PRKCE: variants seen among roughly 807,000 people sequenced by gnomAD.
PRKCE encodes protein kinase C epsilon type.
PRKCE carries 16 observed loss-of-function variants against 85.4 expected under a neutral mutation model. The ratio of observed to expected loss-of-function variants is 0.19; its 90% CI spans 0.13 to 0.28. The LOEUF (loss-of-function observed/expected upper bound fraction) is 0.28. Among genes scored for constraint, PRKCE ranks in the 10% least tolerant of loss-of-function variants. The pLI, the probability that PRKCE is intolerant of heterozygous loss-of-function variation, is 1.00. For missense variants in PRKCE, 573 were observed against 975.2 expected (o/e 0.59, Z 5.49); for synonymous variants, 388 against 371.5 (o/e 1.04, Z -0.51).
At chr2:46,109,817 T>A (rs1245109635) in intron 11 of PRKCE, among the ~76,000 whole-genome samples, 2 of 152,118 alleles carry the variant, frequency 1.3e-5, no homozygotes, top group Non-Finnish European at 2.9e-5. Flanking sequence ...CACCATTAAG[T>A]ATGATATTAA....
At chr2:45,775,269 G>A (rs939949553) in intron 1 of PRKCE, among the ~76,000 whole-genome samples, 1 of 152,154 alleles carries the variant, frequency 6.6e-6, no homozygotes, top group Non-Finnish European at 1.5e-5. Context: ...CACTCCATGA[G>A]TTACTGTCTT....
At chr2:45,981,287 A>G (rs966933125) in intron 5 of PRKCE, among the ~76,000 whole-genome samples, 5 of 152,216 alleles carry the variant, frequency 3.3e-5, no homozygotes, top group Non-Finnish European at 1.5e-5. Flanking sequence ...TTCTGGGGGA[A>G]ATAAATTCTG....
chr2:45,792,679 A>C (rs1687124894), intron 1 of PRKCE, among the ~76,000 whole-genome samples: 1 of 152,220 alleles, frequency 6.6e-6, no homozygotes, highest in South Asian at 2.1e-4. Flanking sequence ...CTGCCTTGAA[A>C]GATGGGGTTA....
chr2:45,932,796 C>G (rs1440073252), intron 2 of PRKCE, among the ~76,000 whole-genome samples: 1 of 152,212 alleles, frequency 6.6e-6, no homozygotes, highest in Non-Finnish European at 1.5e-5. Context: ...CTCTACTCCC[C>G]CCAGCCCCGG....
At chr2:45,756,922 A>G (rs903749034) in intron 1 of PRKCE, among the ~76,000 whole-genome samples, 2 of 152,144 alleles carry the variant, frequency 1.3e-5, no homozygotes, top group African/African-American at 4.8e-5. Context: ...ACAGGGGTAT[A>G]TGTGTGTCAA....
chr2:46,001,389 C>T lies in PRKCE; in HGVS notation c.824-15C>T, dbSNP rs779105019. The T allele has an allele frequency of 2.5e-6, 4 of 1,593,778 alleles. No individual in the cohort carries two copies. Among genetic ancestry groups the T allele is most frequent in the Non-Finnish European group, 3.4e-6 (4 of 1,176,398 alleles). ...CATGAACACTTATCTGTCTTTTCTC[C>T]ATGTCTCCTTACAGTCTGCAAAATG... On this transcript the variant is annotated splice_polypyrimidine_tract_variant and intron_variant, in intron 6 of 14. Coordinates refer to ENST00000306156, the MANE Select transcript of PRKCE (RefSeq NM_005400.3). The surrounding 1 kb of genome is among the most constrained non-coding windows in gnomAD (Gnocchi z 4.4).
chr2:45,764,122 T>C (rs1684727807), intron 1 of PRKCE, among the ~76,000 whole-genome samples: 1 of 152,150 alleles, frequency 6.6e-6, no homozygotes, highest in South Asian at 2.1e-4. Context: ...TTGTTATCAG[T>C]GTATCTTAGG....
rs56287103 is a variant in PRKCE, at chr2:45,976,857, C to CTGTGTGTGTG, written c.572+309_572+318dup. Among the ~76,000 whole-genome samples, 67 of 135,054 alleles carry CTGTGTGTGTG rather than the reference C, an allele frequency of 5.0e-4. 3 individuals are homozygous for CTGTGTGTGTG. The highest frequency in any genetic ancestry group is 9.0e-4 in the Non-Finnish European group (56 of 62,474). 88.6% of individuals were successfully genotyped at this position (135,054 alleles called of 152,430 possible). A position where few individuals can be genotyped will look rare whatever the true frequency, so the allele number is the denominator to read the frequency against. Reference sequence around the variant, plus strand: ...TTAGTAACCAACAAGGATATTGTGACTGTGTGTGTGTGTGTGTGTGTGTGT... The same window carrying CTGTGTGTGTG: ...TTAGTAACCAACAAGGATATTGTGACTGTGTGTGTGTGTGTGTGTGTGTGTGTGTGTGTGT... On this transcript the variant is annotated intron_variant, in intron 3 of 14. Transcript: ENST00000306156.
chr2:45,985,665 A>T (rs1460162359), intron 6 of PRKCE, among the ~76,000 whole-genome samples: 1 of 152,216 alleles, frequency 6.6e-6, no homozygotes, highest in Non-Finnish European at 1.5e-5. Flanking sequence ...AGTGGGAATG[A>T]AGAGGAGAAT....
intron 1 of PRKCE, among the ~76,000 whole-genome samples, chr2:45,807,745 C>T (rs891679123): frequency 6.6e-6 from 1 of 152,012 alleles, no homozygotes; most frequent in Non-Finnish European, 1.5e-5. Context: ...TTCTGAGACC[C>T]CCATCTCAGA....
chr2:45,983,843 C>T (rs1465565363), intron 5 of PRKCE, among the ~76,000 whole-genome samples: 2 of 152,084 alleles, frequency 1.3e-5, no homozygotes, highest in African/African-American at 4.8e-5. Flanking sequence ...AGAGTTTACA[C>T]GCTGCTGCAC....
chr2:45,918,594 AC>A (rs1698009036), intron 2 of PRKCE, among the ~76,000 whole-genome samples: 1 of 152,220 alleles, frequency 6.6e-6, no homozygotes, highest in African/African-American at 2.4e-5. Flanking sequence ...TTCTATAGTT[AC>A]TTTAAAACCC....
chr2:46,099,372 G>A (rs1670995862), intron 11 of PRKCE, among the ~76,000 whole-genome samples: 1 of 151,984 alleles, frequency 6.6e-6, no homozygotes. Flanking sequence ...ACAGGCCTTT[G>A]ACACACCCAT....
chr2:45,864,640 T>C (rs1693437215), intron 2 of PRKCE, among the ~76,000 whole-genome samples: 1 of 152,236 alleles, frequency 6.6e-6, no homozygotes, highest in African/African-American at 2.4e-5. Context: ...ATAGGATTTA[T>C]TCCCATACCA....
At chr2:45,981,276 A>G (rs962786204) in intron 5 of PRKCE, among the ~76,000 whole-genome samples, 1 of 152,234 alleles carries the variant, frequency 6.6e-6, no homozygotes, top group African/African-American at 2.4e-5. Flanking sequence ...CATGCTCTTA[A>G]TTCTGGGGGA....
At chr2:46,083,087 G>C (rs1474220254) in intron 10 of PRKCE, among the ~76,000 whole-genome samples, 2 of 152,158 alleles carry the variant, frequency 1.3e-5, no homozygotes, top group East Asian at 3.9e-4. Context: ...GAGTAGCTGG[G>C]ATTACAGGCA....
intron 1 of PRKCE, chr2:45,686,334 G>A (rs1677296775): frequency 6.6e-6 from 1 of 152,188 alleles, no homozygotes; most frequent in South Asian, 2.1e-4. Context: ...TGGGGCTTAG[G>A]GGGTCATGCT....
intron 11 of PRKCE, among the ~76,000 whole-genome samples, chr2:46,143,846 C>T (rs1416110808): frequency 6.6e-6 from 1 of 152,236 alleles, no homozygotes; most frequent in Non-Finnish European, 1.5e-5. Context: ...GAAACGGGGT[C>T]GTGGCTACAA....
At chr2:45,995,764 G>C (rs866074998) in intron 6 of PRKCE, among the ~76,000 whole-genome samples, 2 of 152,146 alleles carry the variant, frequency 1.3e-5, no homozygotes, top group African/African-American at 4.8e-5. Context: ...TTTATAGTAA[G>C]TCTTGAAATT....
Sources: allele counts gnomAD v4.1 joint callset (sites outside exome capture counted in the v4.1 genomes callset), GRCh38; gene constraint gnomAD v4.1.1; non-coding constraint Gnocchi (gnomAD v3.1); transcripts MANE v1.5; gene names NCBI Gene and HGNC (gene_info 2026-07-23, HGNC 2026-07-21).